ZNF766: variants seen among roughly 807,000 people sequenced by gnomAD.
The protein encoded by ZNF766 is zinc finger protein 766.
A neutral mutation model predicts 13.2 loss-of-function variants in ZNF766; 13 were observed. That is an observed-to-expected ratio of 0.98 (90% CI 0.64 to 1.56). The LOEUF (loss-of-function observed/expected upper bound fraction) is 1.56, where lower values mean the gene tolerates loss of function less well. Ranked by LOEUF, ZNF766 falls within the 40% of genes most tolerant of loss-of-function variation. The pLI is 0.00. For missense variants in ZNF766, 521 were observed against 552.2 expected (o/e 0.94, Z 0.57); for synonymous variants, 178 against 187.6 (o/e 0.95, Z 0.42).
At chr19:52,270,400 G>A (rs1278929621) in intron 1 of ZNF766, among the ~76,000 whole-genome samples, 1 of 152,144 alleles carries the variant, frequency 6.6e-6, no homozygotes, top group East Asian at 1.9e-4. Context: ...AGCAGGGAGA[G>A]AAAAGCAACT....
chr19:52,274,038 C>G (rs1171105221), intron 1 of ZNF766, among the ~76,000 whole-genome samples: 3 of 152,300 alleles, frequency 2.0e-5, no homozygotes, highest in African/African-American at 7.2e-5. Context: ...CAAGGTATTA[C>G]GTGGAAAGTT....
rs1409557435 is a variant in ZNF766 at position 52,294,743 on chromosome 19, G to A, written c.*3545G>A. The A allele has an allele frequency of 6.6e-6, 1 of 152,118 alleles. No homozygotes were observed. The highest frequency in any genetic ancestry group is 2.4e-5 in the African/African-American group (1 of 41,386). 9.4% of individuals were successfully genotyped at this position (152,118 alleles called of 1,614,324 possible). A position where few individuals can be genotyped will look rare whatever the true frequency, so the allele number is the denominator to read the frequency against. On this transcript the variant is annotated 3_prime_UTR_variant, in exon 4 of 4. Coordinates refer to ENST00000439461, the MANE Select transcript of ZNF766 (RefSeq NM_001010851.3). ...TCTAGGACAACTCTAGCTTCCTCTG[G>A]AAGCTCCTGCCATCTTGGTTAGGAA...
intron 1 of ZNF766, among the ~76,000 whole-genome samples, chr19:52,273,032 C>T (rs1051546831): frequency 2.0e-5 from 3 of 151,506 alleles, no homozygotes; most frequent in Admixed American, 6.6e-5. Context: ...TTTTTCGAGA[C>T]GGAGTCTTGC....
At chr19:52,286,811 G>A (rs1981851462) in intron 3 of ZNF766, among the ~76,000 whole-genome samples, 1 of 152,044 alleles carries the variant, frequency 6.6e-6, no homozygotes, top group African/African-American at 2.4e-5. Context: ...TTTTGCATTA[G>A]ATTAATCAGG....
intron 1 of ZNF766, chr19:52,277,188 G>A (rs191543536): frequency 4.8e-5 from 55 of 1,155,976 alleles, no homozygotes; most frequent in African/African-American, 1.4e-4. Context: ...GGCCGGGCGC[G>A]GGGGCTCATA....
Position 52,293,423 on chromosome 19 carries a change from C to T in ZNF766, c.*2225C>T, listed in dbSNP as rs80178730. ...GTCCTGACCTCGGGTGATCCAGCCA[C>T]CTCGGGTTCCCGAAGTGCTAAGATT... On this transcript the variant is annotated 3_prime_UTR_variant, in exon 4 of 4. Transcript: ENST00000439461. The T allele has an allele frequency of 0.078, 11,904 of 152,138 alleles. 551 individuals are homozygous for T. Among genetic ancestry groups the T allele is most frequent in the Middle Eastern group, 0.18 (53 of 294 alleles). 9.4% of individuals were successfully genotyped at this position (152,138 alleles called of 1,614,324 possible).
Position 52,290,700 on chromosome 19 carries a change from A to G in ZNF766, c.909A>G (p.Lys303=). Residue 303 remains lysine, a synonymous_variant, in exon 4 of 4, where the codon AAA becomes AAG. Transcript: ENST00000439461. ...GAGAGAAACCTCATAAATGTAACAA[A>G]TGTGGCAAGGTTTATAGTAGCAGTT... ...HTREKPHKCN[K]CGKVYSSSSY... 1 of 1,613,890 alleles carries G rather than the reference A, an allele frequency of 6.2e-7. No homozygotes were observed. Among genetic ancestry groups the G allele is most frequent in the Non-Finnish European group, 8.5e-7 (1 of 1,179,880 alleles).
At chr19:52,272,385 T>G (rs1416157702) in intron 1 of ZNF766, among the ~76,000 whole-genome samples, 2 of 152,254 alleles carry the variant, frequency 1.3e-5, no homozygotes, top group Non-Finnish European at 2.9e-5. Flanking sequence ...TTCAGATTTT[T>G]GTGTTACCAG....
chr19:52,286,187 T>TC (rs1217551547), intron 3 of ZNF766, among the ~76,000 whole-genome samples: 15 of 126,868 alleles, frequency 1.2e-4, no homozygotes, highest in African/African-American at 2.9e-4. Context: ...AAGTGGGCTT[T>TC]TCCCCCCTAA....
At chr19:52,273,321 A>G (rs1184213146) in intron 1 of ZNF766, among the ~76,000 whole-genome samples, 2 of 152,210 alleles carry the variant, frequency 1.3e-5, no homozygotes, top group Non-Finnish European at 2.9e-5. Flanking sequence ...AAGTACATTA[A>G]TTTATAACAT....
chr19:52,276,671 A>C (rs939091699), intron 1 of ZNF766, among the ~76,000 whole-genome samples: 4 of 152,196 alleles, frequency 2.6e-5, no homozygotes, highest in Admixed American at 6.5e-5. Flanking sequence ...GGCATCCTTT[A>C]AGTGGAGTAA....
In ZNF766 at chr19:52,269,609, G is replaced by T; in HGVS notation, c.-5G>T. 1 of 1,612,708 alleles carries T rather than the reference G, an allele frequency of 6.2e-7. No individual in the cohort carries two copies. Among genetic ancestry groups the T allele is most frequent in the Non-Finnish European group, 8.5e-7 (1 of 1,179,706 alleles). ...TGCAGACCCGGAAGTGGATGGCGTGGAGATATGGCGCAACTGCGGCGCGTG... is the reference window on the plus strand; with the variant it reads ...TGCAGACCCGGAAGTGGATGGCGTGTAGATATGGCGCAACTGCGGCGCGTG... On this transcript the variant is annotated 5_prime_UTR_variant, in exon 1 of 4. Transcript: ENST00000439461.
In ZNF766 at chr19:52,291,761, CA is replaced by C. The variant is rs201865622; in HGVS notation, c.*578del. The C allele has an allele frequency of 0.04, 5,394 of 136,542 alleles. 82 individuals are homozygous for C. The highest frequency in any genetic ancestry group is 0.055 in the Non-Finnish European group (3,592 of 64,990). The allele number at this position is 136,542 out of a possible 1,614,324, so 8.5% of individuals were successfully genotyped here. On this transcript the variant is annotated 3_prime_UTR_variant, in exon 4 of 4. Coordinates refer to ENST00000439461, the MANE Select transcript of ZNF766 (RefSeq NM_001010851.3). The stretch of plus-strand genomic sequence containing the variant: ...TGGGTGACAGAGCGAGACTCCGTCT[CA>C]AAAAAAAAAAAAAATTATTTGGGTT...
chr19:52,295,099 TTATA>T lies in ZNF766; in HGVS notation c.*3905_*3908del, dbSNP rs1365087000. The T allele has an allele frequency of 6.6e-6, 1 of 151,930 alleles. No individual in the cohort carries two copies. Among genetic ancestry groups the T allele is most frequent in the East Asian group, 1.9e-4 (1 of 5,194 alleles). 9.4% of individuals were successfully genotyped at this position (151,930 alleles called of 1,614,324 possible). A position where few individuals can be genotyped will look rare whatever the true frequency, so the allele number is the denominator to read the frequency against. On this transcript the variant is annotated 3_prime_UTR_variant, in exon 4 of 4. Coordinates refer to ENST00000439461, the MANE Select transcript of ZNF766 (RefSeq NM_001010851.3). The stretch of plus-strand genomic sequence containing the variant: ...ACTCTAATAAAATTATATTTTGTGT[TTATA>T]TATGCACGTATAGACACATATATAA...
intron 1 of ZNF766, among the ~76,000 whole-genome samples, chr19:52,275,273 A>G (rs1981139337): frequency 6.6e-6 from 1 of 152,192 alleles, no homozygotes; most frequent in Non-Finnish European, 1.5e-5. Flanking sequence ...ATGTTTAAAA[A>G]GGTTAAAAAA....
chr19:52,288,716 A>C (rs939352732), intron 3 of ZNF766, among the ~76,000 whole-genome samples: 19 of 148,538 alleles, frequency 1.3e-4, no homozygotes, highest in Admixed American at 4.7e-4. Flanking sequence ...TCATGTATGC[A>C]TACATCATTA....
chr19:52,289,714 C>T (rs73934405), intron 3 of ZNF766, among the ~76,000 whole-genome samples: 4,727 of 152,126 alleles, frequency 0.031, 230 homozygotes, highest in African/African-American at 0.1. Context: ...TCTATACATG[C>T]CAGAGTCCGG....
rs568244132 is a variant in ZNF766 at position 52,277,185 on chromosome 19, C to T, written c.19-4926C>T. ...CTTCTAAAGAGTCATGTTGGCCGGG[C>T]GCGGGGGCTCATACCTGTAATCCCG... is the stretch of plus-strand genomic sequence containing the variant. On this transcript the variant is annotated intron_variant, in intron 1 of 3. Coordinates refer to ENST00000439461, the MANE Select transcript of ZNF766 (RefSeq NM_001010851.3). The T allele has an allele frequency of 2.3e-5, 26 of 1,154,686 alleles. No individual in the cohort carries two copies. In the East Asian group the frequency reaches 2.6e-4, roughly 12 times the overall value. 71.5% of individuals were successfully genotyped at this position (1,154,686 alleles called of 1,614,324 possible).
intron 3 of ZNF766, among the ~76,000 whole-genome samples, chr19:52,288,504 A>T (rs1402713878): frequency 6.6e-6 from 1 of 151,988 alleles, no homozygotes; most frequent in African/African-American, 2.4e-5. Context: ...CGTAGTTGGG[A>T]CTACAAGCAC....
Sources: allele counts gnomAD v4.1 joint callset (sites outside exome capture counted in the v4.1 genomes callset), GRCh38; gene constraint gnomAD v4.1.1; transcripts MANE v1.5; gene names NCBI Gene and HGNC (gene_info 2026-07-23, HGNC 2026-07-21).